The following PSG2 variants were observed in gnomAD, a reference collection of about 807,000 sequenced individuals.
The protein encoded by PSG2 is pregnancy specific beta-1-glycoprotein 2, also known as pregnancy-specific beta-1-glycoprotein 2.
A neutral mutation model predicts 36.2 loss-of-function variants in PSG2; 49 were observed. That is an observed-to-expected ratio of 1.35 (90% CI 1.08 to 1.72). The LOEUF is 1.72. Among genes scored for constraint, PSG2 ranks in the 40% most tolerant of loss-of-function variants. The pLI is 0.00. For synonymous variants in PSG2, 261 were observed against 155.6 expected, an observed-to-expected ratio of 1.68 and a Z score of -5.04; for missense variants, 605 against 407.2, an observed-to-expected ratio of 1.49 and a Z score of -4.18.
intron 3 of PSG2, among the ~76,000 whole-genome samples, chr19:43,074,981 C>G (rs901070777): frequency 3.3e-5 from 5 of 151,664 alleles, no homozygotes; most frequent in Middle Eastern, 6.8e-3. Flanking sequence ...AAGTCACAGG[C>G]ACTATTGTCA....
rs917062673 is a variant in PSG2, at chr19:43,070,038, G to C, written c.964+1662C>G. ...AAAATGAACAAAAGATTAAAATGGAGTTTTCTCCAAGGAGGTTACACAAAT... is the reference window on the plus strand; with the variant it reads ...AAAATGAACAAAAGATTAAAATGGACTTTTCTCCAAGGAGGTTACACAAAT... On this transcript the variant is annotated intron_variant, in intron 4 of 5. Coordinates refer to ENST00000406487, the MANE Select transcript of PSG2 (RefSeq NM_031246.4). 3.3e-5 allele frequency among the ~76,000 whole-genome samples: 5 copies of C among 151,618 alleles called. 1 individual carries two copies. Among genetic ancestry groups the C allele is most frequent in the African/African-American group, 1.2e-4 (5 of 41,048 alleles).
intron 4 of PSG2, among the ~76,000 whole-genome samples, chr19:43,068,311 C>A (rs1327342554): frequency 6.6e-6 from 1 of 151,276 alleles, no homozygotes; most frequent in African/African-American, 2.4e-5. Context: ...TGTTGACATG[C>A]ACCTGTAGTC....
chr19:43,076,579 A>G (rs1313780137), intron 2 of PSG2, among the ~76,000 whole-genome samples: 1 of 151,614 alleles, frequency 6.6e-6, no homozygotes, highest in South Asian at 2.1e-4. Context: ...TAGATATTCT[A>G]CTCTGTTTCT....
At chr19:43,074,342 C>G (rs899517080) in intron 3 of PSG2, among the ~76,000 whole-genome samples, 2 of 151,612 alleles carry the variant, frequency 1.3e-5, no homozygotes, top group African/African-American at 2.4e-5. Context: ...AAATGTCTTT[C>G]CATATATTGA....
chr19:43,070,116 C>T (rs762809316), intron 4 of PSG2, among the ~76,000 whole-genome samples: 2 of 151,494 alleles, frequency 1.3e-5, no homozygotes, highest in Admixed American at 6.6e-5. Flanking sequence ...TAGAGATGTG[C>T]AAATCAAAAC....
rs1415973772 is a variant in PSG2 at position 43,081,833 on chromosome 19, T to G, written c.65-587A>C. The G allele has an allele frequency of 7.3e-4, 103 of 141,998 alleles. 1 individual carries two copies. The highest frequency in any genetic ancestry group is 1.2e-3 in the Non-Finnish European group (79 of 67,548). 8.8% of individuals were successfully genotyped at this position (141,998 alleles called of 1,614,324 possible). On this transcript the variant is annotated intron_variant, in intron 1 of 5. Transcript: ENST00000406487. The stretch of plus-strand genomic sequence containing the variant: ...GACTTCTCAGGGCCCTCCACACCCT[T>G]GGTGTTTTTTTTTTTCTCCCCCAAT...
chr19:43,076,024 A>G (rs918984197), intron 2 of PSG2, among the ~76,000 whole-genome samples: 7 of 151,540 alleles, frequency 4.6e-5, no homozygotes, highest in Non-Finnish European at 1.5e-5. Context: ...TTGCCCCCTG[A>G]GGTATGTTTT....
rs1276569723 is a variant in PSG2 at position 43,068,409 on chromosome 19, A to G, written c.965-1809T>C. On this transcript the variant is annotated intron_variant, in intron 4 of 5. Coordinates refer to ENST00000406487, the MANE Select transcript of PSG2 (RefSeq NM_031246.4). ...AGCCATAATCACACAACTGTATTCC[A>G]TCCTGGGCTGGCCTACAGAGTGACA... 2.0e-5 allele frequency among the ~76,000 whole-genome samples: 3 copies of G among 150,536 alleles called. 1 individual carries two copies. The highest frequency in any genetic ancestry group is 2.1e-4 in the South Asian group (1 of 4,772).
At position 43,079,552 on chromosome 19, in the gene PSG2, C is replaced by T. The variant is rs570276840; in HGVS notation, c.430+1329G>A. On this transcript the variant is annotated intron_variant, in intron 2 of 5. Transcript: ENST00000406487. The stretch of plus-strand genomic sequence containing the variant: ...GTCTCTCACTGGGCCTGTGCTGATG[C>T]AGGGTGTGAGTGGGGAAAGAAAACA... Among the ~76,000 whole-genome samples the T allele has an allele frequency of 5.9e-4, 90 of 151,658 alleles. 2 individuals are homozygous for T. Among genetic ancestry groups the T allele is most frequent in the Middle Eastern group, 3.4e-3 (1 of 294 alleles).
chr19:43,066,222 A>G (rs868106499), intron 5 of PSG2, among the ~76,000 whole-genome samples: 12 of 151,696 alleles, frequency 7.9e-5, no homozygotes, highest in African/African-American at 2.2e-4. Context: ...GAATTACACT[A>G]TTGAGAGATG....
At chr19:43,067,710 A>C (rs1967759714) in intron 4 of PSG2, among the ~76,000 whole-genome samples, 1 of 151,370 alleles carries the variant, frequency 6.6e-6, no homozygotes, top group South Asian at 2.1e-4. Flanking sequence ...TGATAGTAAT[A>C]TAGTAGCTGA....
chr19:43,073,898 C>T (rs1162862940), intron 3 of PSG2, among the ~76,000 whole-genome samples: 1 of 151,808 alleles, frequency 6.6e-6, no homozygotes, highest in African/African-American at 2.4e-5. Flanking sequence ...CTGAAAGATT[C>T]AAAATCTAAA....
chr19:43,081,071 T>A lies in PSG2; in HGVS notation c.240A>T (p.Thr80=). Residue 80 remains threonine, a synonymous_variant, in exon 2 of 6, where the codon ACA becomes ACT. Coordinates refer to ENST00000406487, the MANE Select transcript of PSG2 (RefSeq NM_031246.4). ...GQIRDLYHYI[T]SYVVDGQIII... is the part of the protein sequence containing the mutation. ...TTATTTGACCGTCTACTACATATGA[T>A]GTAATGTAATGGTAGAGGTCCCTGA... 6.2e-7 allele frequency: 1 copy of A among 1,612,818 alleles called. No homozygotes were observed. Among genetic ancestry groups the A allele is most frequent in the Non-Finnish European group, 8.5e-7 (1 of 1,179,640 alleles).
intron 2 of PSG2, among the ~76,000 whole-genome samples, chr19:43,079,630 C>G (rs1025198023): frequency 6.6e-6 from 1 of 151,648 alleles, no homozygotes; most frequent in Non-Finnish European, 1.5e-5. Flanking sequence ...TTGGGAAACA[C>G]AGGGTTTCAG....
At chr19:43,079,423 T>A (rs933458602) in intron 2 of PSG2, among the ~76,000 whole-genome samples, 2 of 151,464 alleles carry the variant, frequency 1.3e-5, no homozygotes, top group African/African-American at 4.9e-5. Context: ...GGCTAGGACC[T>A]CCTAGGATTC....
chr19:43,074,530 TAGAA>T (rs1290015744), intron 3 of PSG2, among the ~76,000 whole-genome samples: 1 of 151,750 alleles, frequency 6.6e-6, no homozygotes, highest in Non-Finnish European at 1.5e-5. Context: ...AAGAATGATC[TAGAA>T]AGAGTGAGGG....
At position 43,072,414 on chromosome 19, in the gene PSG2, C is replaced by G. The variant is rs546252708; in HGVS notation, c.710-460G>C. The G allele has an allele frequency of 3.7e-3, 5,903 of 1,612,436 alleles. 101 individuals carry two copies. The highest frequency in any genetic ancestry group is 3.8e-3 in the Non-Finnish European group (4,529 of 1,179,538). On this transcript the variant is annotated intron_variant, in intron 3 of 5. Transcript: ENST00000406487. ...CCATATCGGTCCCGTATTTCACATT[C>G]ATAGGGTCCTGTTTCATTTCTCGTG... is the stretch of plus-strand genomic sequence containing the variant.
At chr19:43,076,574 A>G (rs1315083961) in intron 2 of PSG2, among the ~76,000 whole-genome samples, 1 of 151,728 alleles carries the variant, frequency 6.6e-6, no homozygotes, top group Non-Finnish European at 1.5e-5. Flanking sequence ...TTCATTAGAT[A>G]TTCTACTCTG....
At chr19:43,072,013 G>C (rs1248636865) in intron 3 of PSG2, 59 bp from the exon 4 acceptor site, 1 of 1,581,266 alleles carries the variant, frequency 6.3e-7, no homozygotes, top group Non-Finnish European at 8.6e-7. Context: ...GATGCTCCTG[G>C]TCTCTTAAAG....
Sources: gnomAD v4.1 joint callset for allele counts (sites outside exome capture counted in the v4.1 genomes callset) on GRCh38, gnomAD v4.1.1 for gene constraint, MANE v1.5 for transcripts, NCBI Gene and HGNC (gene_info 2026-07-23, HGNC 2026-07-21) for gene names.